The following BCAT1 variants were observed in gnomAD, a reference collection of about 807,000 sequenced individuals.
BCAT1 encodes the protein branched-chain-amino-acid aminotransferase, cytosolic.
A neutral mutation model predicts 52.4 loss-of-function variants in BCAT1; 48 were observed. The observed-to-expected ratio is 0.92, with a 90% CI of 0.73 to 1.16. The LOEUF (loss-of-function observed/expected upper bound fraction) is 1.16, where lower values mean the gene tolerates loss of function less well. Ranked by LOEUF, BCAT1 falls within the 50% of genes most tolerant of loss-of-function variation. BCAT1 has a pLI of 0.00. For synonymous variants in BCAT1, 167 were observed against 161.3 expected, an observed-to-expected ratio of 1.04 and a Z score of -0.27; for missense variants, 451 against 457.1, an observed-to-expected ratio of 0.99 and a Z score of 0.12.
intron 1 of BCAT1, among the ~76,000 whole-genome samples, chr12:24,917,557 T>C (rs1405258183): frequency 6.6e-6 from 1 of 152,204 alleles, no homozygotes; most frequent in African/African-American, 2.4e-5. Flanking sequence ...AGACTACTTG[T>C]CAAGGTCCCT....
chr12:24,889,760 C>T (rs541626241), intron 3 of BCAT1, among the ~76,000 whole-genome samples: 2 of 152,074 alleles, frequency 1.3e-5, no homozygotes, highest in Admixed American at 6.5e-5. Context: ...GAGGCAGAGG[C>T]GGGAGGCTTA....
intron 10 of BCAT1, among the ~76,000 whole-genome samples, chr12:24,829,519 T>C (rs1480877022): frequency 6.6e-6 from 1 of 152,248 alleles, no homozygotes; most frequent in African/African-American, 2.4e-5. Context: ...TATGTTATCC[T>C]TCTTAATGAG....
At chr12:24,946,667 C>T (rs1943936749) in intron 1 of BCAT1, among the ~76,000 whole-genome samples, 1 of 152,200 alleles carries the variant, frequency 6.6e-6, no homozygotes, top group South Asian at 2.1e-4. Flanking sequence ...TCCTATCTCT[C>T]TGGGCCTGAT....
chr12:24,848,902 A>C (rs547799199), intron 6 of BCAT1, among the ~76,000 whole-genome samples: 6 of 152,286 alleles, frequency 3.9e-5, no homozygotes, highest in Non-Finnish European at 7.3e-5. Flanking sequence ...TGAGGAGAGA[A>C]AAGAAAAAGG....
chr12:24,821,276 C>T (rs1293720452), intron 10 of BCAT1, among the ~76,000 whole-genome samples: 1 of 152,110 alleles, frequency 6.6e-6, no homozygotes. Context: ...TATCTGGTGA[C>T]CTGCAATCAA....
chr12:24,943,524 A>G (rs1442574770), intron 1 of BCAT1, among the ~76,000 whole-genome samples: 1 of 135,220 alleles, frequency 7.4e-6, no homozygotes, highest in East Asian at 2.2e-4. Flanking sequence ...AAAAATTTAC[A>G]AAGTGGTGTC....
intron 5 of BCAT1, among the ~76,000 whole-genome samples, chr12:24,858,811 G>T (rs574541128): frequency 3.9e-4 from 59 of 152,324 alleles, no homozygotes; most frequent in African/African-American, 1.3e-3. Flanking sequence ...GAAGGCATGG[G>T]AATGTGGTCT....
chr12:24,840,894 G>T (rs1941153047), intron 7 of BCAT1, among the ~76,000 whole-genome samples: 1 of 152,180 alleles, frequency 6.6e-6, no homozygotes. Flanking sequence ...AATTACTACT[G>T]TGAAATGAAC....
chr12:24,914,640 A>C (rs1943379965), intron 1 of BCAT1, among the ~76,000 whole-genome samples: 1 of 152,248 alleles, frequency 6.6e-6, no homozygotes, highest in Non-Finnish European at 1.5e-5. Context: ...TGCAGTGGCA[A>C]TCTTACAGAT....
chr12:24,861,662 G>C (rs960679218), intron 5 of BCAT1, among the ~76,000 whole-genome samples: 12 of 152,138 alleles, frequency 7.9e-5, no homozygotes, highest in South Asian at 2.1e-4. Flanking sequence ...GGTCCCTTTG[G>C]GGGTATTGGG....
intron 1 of BCAT1, chr12:24,902,892 C>T: frequency 2.0e-6 from 3 of 1,515,648 alleles, no homozygotes; most frequent in Non-Finnish European, 2.6e-6. Context: ...CCGCGAGCTA[C>T]CGAGACCCGG....
chr12:24,946,973 T>C (rs1240574763), intron 1 of BCAT1, among the ~76,000 whole-genome samples: 2 of 152,164 alleles, frequency 1.3e-5, no homozygotes, highest in African/African-American at 4.8e-5. Flanking sequence ...TTACTGAAAC[T>C]TATCAGATGA....
At chr12:24,936,381 C>A (rs1228202699) in intron 1 of BCAT1, among the ~76,000 whole-genome samples, 1 of 152,162 alleles carries the variant, frequency 6.6e-6, no homozygotes, top group Non-Finnish European at 1.5e-5. Flanking sequence ...TATAGGCGTG[C>A]ACCACCACAC....
chr12:24,942,171 GGAAA>G (rs1247253859), intron 1 of BCAT1, among the ~76,000 whole-genome samples: 1 of 152,178 alleles, frequency 6.6e-6, no homozygotes, highest in Non-Finnish European at 1.5e-5. Flanking sequence ...CAGGGCAATG[GGAAA>G]GAGAGAACCT....
chr12:24,865,051 G>A (rs563660034), intron 5 of BCAT1, among the ~76,000 whole-genome samples: 94 of 152,262 alleles, frequency 6.2e-4, no homozygotes, highest in African/African-American at 2.2e-3. Flanking sequence ...ATGCTGACCT[G>A]CCCCAGGGGT....
chr12:24,918,425 C>A (rs1181784220), intron 1 of BCAT1, among the ~76,000 whole-genome samples: 1 of 152,132 alleles, frequency 6.6e-6, no homozygotes, highest in Non-Finnish European at 1.5e-5. Flanking sequence ...TGTTGGAACA[C>A]ATATTAACAA....
At chr12:24,902,757 T>G (rs559830934) in intron 1 of BCAT1, 1 of 825,850 alleles carries the variant, frequency 1.2e-6, no homozygotes, top group Admixed American at 3.2e-5. Context: ...AGGTGGAGAT[T>G]GCAGGCTGGG....
At chr12:24,893,784 T>C (rs987513667) in intron 3 of BCAT1, among the ~76,000 whole-genome samples, 1 of 152,226 alleles carries the variant, frequency 6.6e-6, no homozygotes, top group African/African-American at 2.4e-5. Context: ...AAGAATTCTT[T>C]AAACATTTTA....
chr12:24,925,824 G>C lies in BCAT1; in HGVS notation c.6+23103C>G, dbSNP rs572284613. On this transcript the variant is annotated intron_variant, in intron 1 of 10. Transcript: ENST00000261192. ...CCGGGCTGGTCTCCAGCTCCTAACC[G>C]GGAGTGATCTGCCAGCCTCGGCCTC... Among the ~76,000 whole-genome samples, 17 of 152,328 alleles carry C rather than the reference G, an allele frequency of 1.1e-4. No individual in the cohort carries two copies. In the East Asian group the frequency reaches 3.3e-3, roughly 29 times the overall value.
Sources: gnomAD v4.1 joint callset for allele counts (sites outside exome capture counted in the v4.1 genomes callset) on GRCh38, gnomAD v4.1.1 for gene constraint, MANE v1.5 for transcripts, NCBI Gene and HGNC (gene_info 2026-07-23, HGNC 2026-07-21) for gene names.